Variants in CALN1 observed in about 807,000 individuals in gnomAD.
CALN1 encodes calneuron 1.
A neutral mutation model predicts 30.6 loss-of-function variants in CALN1; 17 were observed. The observed-to-expected ratio is 0.56, with a 90% CI of 0.38 to 0.83. CALN1 has a LOEUF of 0.83. Among genes scored for constraint, CALN1 ranks in the 40% least tolerant of loss-of-function variants. CALN1 has a pLI of 0.00. For synonymous variants in CALN1, 156 were observed against 131.4 expected (o/e 1.19, Z -1.28); for missense variants, 291 against 354.9 (o/e 0.82, Z 1.45).
chr7:72,425,178 A>G (rs1292629251), intron 1 of CALN1, among the ~76,000 whole-genome samples: 25 of 152,138 alleles, frequency 1.6e-4, no homozygotes, highest in Admixed American at 1.6e-3. Context: ...CAATGGCACA[A>G]TCTCGGCTCA....
chr7:71,868,357 G>A (rs915553545), intron 5 of CALN1, among the ~76,000 whole-genome samples: 3 of 150,908 alleles, frequency 2.0e-5, no homozygotes. Context: ...GAGAGGGGAG[G>A]AAGTGCTACA....
chr7:72,169,590 T>C (rs886217610), intron 3 of CALN1, among the ~76,000 whole-genome samples: 2 of 151,968 alleles, frequency 1.3e-5, no homozygotes, highest in Admixed American at 6.6e-5. Context: ...CTCAAAGTGC[T>C]GAGGTTACAG....
intron 2 of CALN1, among the ~76,000 whole-genome samples, chr7:72,336,421 T>C (rs959574842): frequency 1.3e-4 from 19 of 151,604 alleles, no homozygotes; most frequent in South Asian, 4.2e-4. Context: ...GACAGCCGAG[T>C]CCGCCGCGGC....
chr7:72,424,821 C>G (rs1585715037), intron 1 of CALN1, among the ~76,000 whole-genome samples: 1 of 151,880 alleles, frequency 6.6e-6, no homozygotes, highest in Admixed American at 6.6e-5. Context: ...GGTCTTAAGC[C>G]CCTAGCCTCA....
intron 3 of CALN1, among the ~76,000 whole-genome samples, chr7:72,185,979 G>A (rs182396156): frequency 7.2e-5 from 11 of 152,160 alleles, no homozygotes; most frequent in Admixed American, 6.5e-4. Flanking sequence ...CTAATGCAGA[G>A]GGATTATCCT....
chr7:72,273,501 C>CT (rs773609513), intron 3 of CALN1, among the ~76,000 whole-genome samples: 34,563 of 101,028 alleles, frequency 0.34, 6,293 homozygotes, highest in Non-Finnish European at 0.44. Context: ...AGGCAAGATT[C>CT]TTTTTTTTTT....
chr7:72,155,358 G>A (rs1219414636), intron 3 of CALN1, among the ~76,000 whole-genome samples: 3 of 151,904 alleles, frequency 2.0e-5, no homozygotes, highest in African/African-American at 7.3e-5. Context: ...CGGGCGTGGT[G>A]GCAGGTGCCT....
Position 71,986,465 on chromosome 7 carries a change from G to A in CALN1, c.501+37192C>T, listed in dbSNP as rs980075735. Among the ~76,000 whole-genome samples, 5 of 152,182 alleles carry A rather than the reference G, an allele frequency of 3.3e-5. No homozygotes were observed. The East Asian group carries it at 9.6e-4, about 29-fold the overall frequency. On this transcript the variant is annotated intron_variant, in intron 5 of 6. Coordinates refer to ENST00000395275, the MANE Select transcript of CALN1 (RefSeq NM_031468.4). ...AAATTATACAAGATATTCTCAACACGCACAGTGTGGGTGAACAGAAACTGG... is the reference window on the plus strand; with the variant it reads ...AAATTATACAAGATATTCTCAACACACACAGTGTGGGTGAACAGAAACTGG...
intron 5 of CALN1, among the ~76,000 whole-genome samples, chr7:71,974,780 A>G (rs1798020172): frequency 1.3e-5 from 2 of 152,112 alleles, no homozygotes; most frequent in African/African-American, 4.8e-5. Context: ...ACTTTCTGGC[A>G]CTCTGGGAAG....
At chr7:72,193,234 G>A (rs908748512) in intron 3 of CALN1, among the ~76,000 whole-genome samples, 3 of 151,876 alleles carry the variant, frequency 2.0e-5, no homozygotes, top group Non-Finnish European at 4.4e-5. Flanking sequence ...GTGTGGTGGT[G>A]CACAACTGTG....
At chr7:72,201,755 AAGC>A (rs1264132459) in intron 3 of CALN1, among the ~76,000 whole-genome samples, 3,720 of 151,416 alleles carry the variant, frequency 0.025, 155 homozygotes, top group African/African-American at 0.085. Context: ...AAAAAAAAAA[AAGC>A]AGTAACTGTA....
intron 3 of CALN1, among the ~76,000 whole-genome samples, chr7:72,252,807 T>C (rs1446122205): frequency 2.0e-5 from 3 of 152,128 alleles, no homozygotes; most frequent in Non-Finnish European, 4.4e-5. Flanking sequence ...TAATATAATA[T>C]ACTATGCCTG....
At chr7:72,017,017 A>AAAAAAAAAAAAAAAT (rs1562979451) in intron 5 of CALN1, among the ~76,000 whole-genome samples, 10 of 147,576 alleles carry the variant, frequency 6.8e-5, no homozygotes, top group African/African-American at 2.6e-4. Context: ...AAAAAAAAAA[A>AAAAAAAAAAAAAAAT]GCTGGGTATG....
At chr7:72,106,681 GAAGA>G (rs1386950063) in intron 3 of CALN1, among the ~76,000 whole-genome samples, 2 of 109,486 alleles carry the variant, frequency 1.8e-5, no homozygotes, top group Admixed American at 1.9e-4. Context: ...AGAAAGGAAG[GAAGA>G]AAGCAAGGGA....
intron 3 of CALN1, among the ~76,000 whole-genome samples, chr7:72,196,537 G>C (rs1001662958): frequency 6.6e-6 from 1 of 152,188 alleles, no homozygotes; most frequent in Non-Finnish European, 1.5e-5. Context: ...GAATTGTATA[G>C]TATGTGAACA....
At chr7:72,094,309 C>A (rs1392932525) in intron 4 of CALN1, among the ~76,000 whole-genome samples, 2 of 152,102 alleles carry the variant, frequency 1.3e-5, no homozygotes, top group African/African-American at 4.8e-5. Flanking sequence ...GGTGGGAGTG[C>A]AATGGCACAA....
chr7:72,279,271 T>A (rs1678553401), intron 2 of CALN1, among the ~76,000 whole-genome samples: 1 of 152,186 alleles, frequency 6.6e-6, no homozygotes, highest in Non-Finnish European at 1.5e-5. Flanking sequence ...TTCTCCCAGA[T>A]AATATAGGCA....
At position 72,116,078 on chromosome 7, in the gene CALN1, T is replaced by C. The variant is rs11761030; in HGVS notation, c.245-9784A>G. 8.0e-3 allele frequency among the ~76,000 whole-genome samples: 1,225 copies of C among 152,264 alleles called. 13 individuals are homozygous for C. Among genetic ancestry groups the C allele is most frequent in the Non-Finnish European group, 0.011 (721 of 68,022 alleles). ...GTTTTTATTTTTTCTGGGCACACTT[T>C]TAAAAAGGGATTGTGACTCCTTAGG... On this transcript the variant is annotated intron_variant, in intron 3 of 6. Coordinates refer to ENST00000395275, the MANE Select transcript of CALN1 (RefSeq NM_031468.4).
At chr7:72,264,370 G>A (rs1796475108) in intron 3 of CALN1, among the ~76,000 whole-genome samples, 1 of 152,058 alleles carries the variant, frequency 6.6e-6, no homozygotes, top group South Asian at 2.1e-4. Context: ...GCATATAAAA[G>A]CCAGTTAAGA....
Sources: gnomAD v4.1 joint callset for allele counts (sites outside exome capture counted in the v4.1 genomes callset) on GRCh38, gnomAD v4.1.1 for gene constraint, MANE v1.5 for transcripts, NCBI Gene and HGNC (gene_info 2026-07-23, HGNC 2026-07-21) for gene names.